Variants in PDE4D observed in about 807,000 individuals in gnomAD.
PDE4D encodes the protein phosphodiesterase 4D.
Under a neutral mutation model 87.4 loss-of-function variants are expected in PDE4D, and 24 were observed. That is an observed-to-expected ratio of 0.27 (90% confidence interval 0.20 to 0.39). PDE4D has a LOEUF of 0.39. Among genes scored for constraint, PDE4D ranks in the 10% least tolerant of loss-of-function variants. The probability of loss-of-function intolerance (pLI) is 1.00; values close to 1 mark genes in which losing one functional copy is unlikely to be tolerated. For missense variants in PDE4D, 714 were observed against 1,041.0 expected (o/e 0.69, Z 4.32); for synonymous variants, 384 against 383.2 (o/e 1.00, Z -0.02).
chr5:59,353,646 T>C (rs1007865761), intron 1 of PDE4D, among the ~76,000 whole-genome samples: 3 of 151,932 alleles, frequency 2.0e-5, no homozygotes, highest in Non-Finnish European at 4.4e-5. Flanking sequence ...AGAGAAAAAG[T>C]ACCTTCCTTA....
chr5:59,404,538 A>C (rs1791273496), intron 1 of PDE4D, among the ~76,000 whole-genome samples: 1 of 152,220 alleles, frequency 6.6e-6, no homozygotes, highest in East Asian at 1.9e-4. Flanking sequence ...GTGCACCTAT[A>C]GTCCCAGCTA....
intron 1 of PDE4D, among the ~76,000 whole-genome samples, chr5:60,381,713 T>C (rs1761873678): frequency 6.6e-6 from 1 of 152,170 alleles, no homozygotes; most frequent in Non-Finnish European, 1.5e-5. Flanking sequence ...ATTTGGTAGC[T>C]GACATTCAAT....
At chr5:60,237,362 T>C (rs1227867982) in intron 1 of PDE4D, among the ~76,000 whole-genome samples, 1 of 151,992 alleles carries the variant, frequency 6.6e-6, no homozygotes, top group African/African-American at 2.4e-5. Context: ...AAGACTAAAA[T>C]GTCCCACAAT....
chr5:59,302,285 G>A (rs181825111), intron 1 of PDE4D, among the ~76,000 whole-genome samples: 166 of 152,214 alleles, frequency 1.1e-3, no homozygotes, highest in Middle Eastern at 3.4e-3. Context: ...ATGATCAAGC[G>A]GGGCACTCAA....
chr5:59,695,212 T>A (rs1031704207), intron 1 of PDE4D, among the ~76,000 whole-genome samples: 2 of 143,800 alleles, frequency 1.4e-5, no homozygotes, highest in African/African-American at 5.2e-5. Context: ...AAAAAAAAAA[T>A]ATCGAGTCAA....
chr5:60,077,456 T>C (rs1310747154), intron 2 of PDE4D, among the ~76,000 whole-genome samples: 1 of 152,134 alleles, frequency 6.6e-6, no homozygotes, highest in Non-Finnish European at 1.5e-5. Context: ...CAGTCAGGCC[T>C]AACCCACTAG....
At chr5:60,223,207 T>C (rs1210522579) in intron 1 of PDE4D, among the ~76,000 whole-genome samples, 1 of 152,124 alleles carries the variant, frequency 6.6e-6, no homozygotes, top group Non-Finnish European at 1.5e-5. Context: ...ATATAACAAA[T>C]GAAATCTGAT....
At chr5:60,437,685 G>T (rs575133576) in intron 1 of PDE4D, among the ~76,000 whole-genome samples, 73 of 152,042 alleles carry the variant, frequency 4.8e-4, no homozygotes, top group Non-Finnish European at 9.7e-4. Flanking sequence ...AATTCAGAAA[G>T]AATATGTAAA....
intron 1 of PDE4D, among the ~76,000 whole-genome samples, chr5:59,339,994 T>G (rs2153581297): frequency 6.6e-6 from 1 of 152,236 alleles, no homozygotes. Context: ...TCCCTGTTGC[T>G]TTACAGGAAT....
intron 3 of PDE4D, among the ~76,000 whole-genome samples, chr5:59,921,952 A>G (rs1754715345): frequency 1.3e-5 from 2 of 152,218 alleles, no homozygotes; most frequent in Non-Finnish European, 2.9e-5. Context: ...TGAAGAGGGT[A>G]GGAAAGAAAG....
At chr5:59,330,203 C>A (rs1365049446) in intron 1 of PDE4D, among the ~76,000 whole-genome samples, 1 of 152,148 alleles carries the variant, frequency 6.6e-6, no homozygotes, top group Non-Finnish European at 1.5e-5. Context: ...GAGTTAAAAG[C>A]AGGGAACACA....
intron 2 of PDE4D, chr5:60,021,758 T>C (rs1766088824): frequency 1.3e-5 from 2 of 152,222 alleles, no homozygotes; most frequent in South Asian, 4.1e-4. Context: ...GTGTTCTTCC[T>C]CTCTCAGGAG....
chr5:59,330,823 TC>T (rs1217116577), intron 1 of PDE4D, among the ~76,000 whole-genome samples: 2 of 152,160 alleles, frequency 1.3e-5, no homozygotes, highest in Non-Finnish European at 2.9e-5. Context: ...CTGTGGCACT[TC>T]TCTGTTTATG....
intron 1 of PDE4D, among the ~76,000 whole-genome samples, chr5:59,882,383 A>C (rs573815778): frequency 2.6e-5 from 4 of 152,156 alleles, no homozygotes; most frequent in Non-Finnish European, 5.9e-5. Flanking sequence ...GTGTGTATAG[A>C]AGAGTCCAAA....
chr5:60,039,836 G>T (rs1159839194), intron 2 of PDE4D, among the ~76,000 whole-genome samples: 1 of 152,024 alleles, frequency 6.6e-6, no homozygotes, highest in Non-Finnish European at 1.5e-5. Flanking sequence ...ATTGTGCTAA[G>T]GTTCCTTTCT....
intron 1 of PDE4D, among the ~76,000 whole-genome samples, chr5:59,482,049 TAA>T (rs967784405): frequency 2.0e-5 from 3 of 151,540 alleles, no homozygotes; most frequent in African/African-American, 7.3e-5. Flanking sequence ...AGAAAAATAA[TAA>T]AAAAAAATTT....
rs555802931 is a variant in PDE4D at position 59,786,710 on chromosome 5, C to T, written c.455+106458G>A. 2.7e-4 allele frequency among the ~76,000 whole-genome samples: 41 copies of T among 152,294 alleles called. No individual in the cohort carries two copies. In the South Asian group the frequency reaches 8.1e-3, roughly 30 times the overall value. ...CTGTGACTCATGACTGGCCTGTTAA[C>T]GGACAGAGGAAGCCTCAGGCGTTCT... is the stretch of plus-strand genomic sequence containing the variant. On this transcript the variant is annotated intron_variant, in intron 1 of 14. Transcript: ENST00000340635.
intron 1 of PDE4D, among the ~76,000 whole-genome samples, chr5:59,277,096 G>A (rs1188374374): frequency 2.0e-5 from 3 of 152,144 alleles, no homozygotes; most frequent in African/African-American, 7.2e-5. Flanking sequence ...TGAACTTGGT[G>A]TTTATTTAGC....
intron 5 of PDE4D, chr5:59,174,423 T>C (rs1032423066): frequency 2.6e-5 from 4 of 152,648 alleles, no homozygotes; most frequent in African/African-American, 7.2e-5. Context: ...CTGCATCATG[T>C]GTCTCCCCCT....
Sources: allele counts gnomAD v4.1 joint callset (sites outside exome capture counted in the v4.1 genomes callset), GRCh38; gene constraint gnomAD v4.1.1; transcripts MANE v1.5; gene names NCBI Gene and HGNC (gene_info 2026-07-23, HGNC 2026-07-21).